PLCL1: variants seen among roughly 807,000 people sequenced by gnomAD.
The protein encoded by PLCL1 is inactive phospholipase C-like protein 1.
In PLCL1, 41 loss-of-function variants were observed where a neutral mutation model predicts 84.4. That is an observed-to-expected ratio of 0.49 (90% CI 0.38 to 0.63). PLCL1 has a LOEUF of 0.63. Among genes scored for constraint, PLCL1 ranks in the 30% least tolerant of loss-of-function variants. PLCL1 has a pLI of 0.00. For missense variants in PLCL1, 1,206 were observed against 1,367.8 expected (o/e 0.88, Z 1.87); for synonymous variants, 490 against 488.3 (o/e 1.00, Z -0.05).
chr2:197,805,089 C>A lies in PLCL1; in HGVS notation c.-11C>A. 7.2e-7 allele frequency: 1 copy of A among 1,382,468 alleles called. No individual in the cohort carries two copies. The highest frequency in any genetic ancestry group is 9.3e-7 in the Non-Finnish European group (1 of 1,073,542). 85.6% of individuals were successfully genotyped at this position (1,382,468 alleles called of 1,614,324 possible). A position where few individuals can be genotyped will look rare whatever the true frequency, so the allele number is the denominator to read the frequency against. On this transcript the variant is annotated 5_prime_UTR_variant, in exon 1 of 6. Coordinates refer to ENST00000428675, the MANE Select transcript of PLCL1 (RefSeq NM_006226.4). This position sits in a 1 kb window ranked among gnomAD's most constrained non-coding sequence, Gnocchi z 4.0. ...CCGCTTTCCCCCGGGGAGCCCTAAA[C>A]GCTCCAGGCCATGGCCGAGGGCGCG...
chr2:198,109,553 T>C (rs1385367560), intron 5 of PLCL1, among the ~76,000 whole-genome samples: 1 of 151,904 alleles, frequency 6.6e-6, no homozygotes, highest in Non-Finnish European at 1.5e-5. Context: ...TCTAGTACAT[T>C]GTTAGTAATT....
chr2:198,120,925 A>T (rs138107853), intron 5 of PLCL1, among the ~76,000 whole-genome samples: 2,879 of 152,162 alleles, frequency 0.019, 91 homozygotes, highest in African/African-American at 0.064. Context: ...ACTAATTTAC[A>T]TTCCTGCCAA....
At chr2:198,054,506 G>A (rs1043082106) in intron 1 of PLCL1, among the ~76,000 whole-genome samples, 9 of 152,218 alleles carry the variant, frequency 5.9e-5, no homozygotes, top group African/African-American at 2.2e-4. Context: ...GGCTTGCTAA[G>A]CCTGGAACAC....
At chr2:197,937,251 T>G (rs1465960903) in intron 1 of PLCL1, among the ~76,000 whole-genome samples, 1 of 152,220 alleles carries the variant, frequency 6.6e-6, no homozygotes, top group Non-Finnish European at 1.5e-5. Context: ...TTGTTTTTGC[T>G]ATTTGGGGTC....
At chr2:198,134,237 G>C (rs1694196869) in intron 5 of PLCL1, among the ~76,000 whole-genome samples, 1 of 152,044 alleles carries the variant, frequency 6.6e-6, no homozygotes, top group South Asian at 2.1e-4. Context: ...AGAGAAAATA[G>C]GTCTTGACTT....
chr2:197,869,959 C>G (rs1382710128), intron 1 of PLCL1, among the ~76,000 whole-genome samples: 1 of 151,554 alleles, frequency 6.6e-6, no homozygotes, highest in Admixed American at 6.6e-5. Flanking sequence ...TTTTTTTTTC[C>G]ATAAGTGTTA....
intron 1 of PLCL1, among the ~76,000 whole-genome samples, chr2:197,883,371 C>T (rs182889160): frequency 3.2e-4 from 48 of 152,294 alleles, no homozygotes; most frequent in African/African-American, 1.0e-3. Flanking sequence ...AAGTTATAGA[C>T]ACACGAAGTT....
At chr2:197,859,566 A>C (rs1215626390) in intron 1 of PLCL1, among the ~76,000 whole-genome samples, 3 of 152,196 alleles carry the variant, frequency 2.0e-5, no homozygotes, top group African/African-American at 7.2e-5. Context: ...TATGGACCAC[A>C]CATACAACAA....
At chr2:197,908,198 G>C (rs968418589) in intron 1 of PLCL1, among the ~76,000 whole-genome samples, 3 of 152,206 alleles carry the variant, frequency 2.0e-5, no homozygotes, top group African/African-American at 7.2e-5. Context: ...TTGAACGAGA[G>C]AATTTGAGCA....
intron 1 of PLCL1, among the ~76,000 whole-genome samples, chr2:197,848,090 A>T (rs186095293): frequency 1.1e-4 from 17 of 152,362 alleles, no homozygotes; most frequent in Admixed American, 3.9e-4. Context: ...AATTCTGATA[A>T]AGCACATATA....
intron 4 of PLCL1, among the ~76,000 whole-genome samples, chr2:198,102,673 A>T (rs529233141): frequency 3.5e-4 from 53 of 152,198 alleles, no homozygotes; most frequent in African/African-American, 1.1e-3. Flanking sequence ...TGGCAAGCTG[A>T]ATATGTTTGA....
At chr2:197,885,696 T>C (rs1354701066) in intron 1 of PLCL1, among the ~76,000 whole-genome samples, 2 of 152,228 alleles carry the variant, frequency 1.3e-5, no homozygotes, top group African/African-American at 4.8e-5. Flanking sequence ...TCTCTGACCA[T>C]CTTTCTAACT....
chr2:197,834,102 G>T (rs558133459), intron 1 of PLCL1, among the ~76,000 whole-genome samples: 1 of 152,294 alleles, frequency 6.6e-6, no homozygotes, highest in South Asian at 2.1e-4. Context: ...TGGGAAAACT[G>T]GCTCGCCATA....
intron 1 of PLCL1, among the ~76,000 whole-genome samples, chr2:198,060,092 C>T (rs545174641): frequency 1.2e-4 from 19 of 152,256 alleles, no homozygotes; most frequent in Middle Eastern, 3.4e-3. Flanking sequence ...CTACTGAATT[C>T]GAGTCCTTTG....
chr2:197,965,645 T>C (rs925812455), intron 1 of PLCL1, among the ~76,000 whole-genome samples: 2 of 152,210 alleles, frequency 1.3e-5, no homozygotes, highest in Admixed American at 6.5e-5. Context: ...GATTGCTTAT[T>C]TGAAGTTTTA....
chr2:198,114,655 G>A (rs1012220107), intron 5 of PLCL1, among the ~76,000 whole-genome samples: 1 of 151,700 alleles, frequency 6.6e-6, no homozygotes, highest in Non-Finnish European at 1.5e-5. Flanking sequence ...TTTCATTCTG[G>A]TTCCTTACAG....
intron 1 of PLCL1, among the ~76,000 whole-genome samples, chr2:197,926,457 T>G (rs940154227): frequency 1.3e-5 from 2 of 152,334 alleles, no homozygotes; most frequent in East Asian, 3.9e-4. Context: ...ATGTCAGCCA[T>G]TCATGGCCAT....
intron 1 of PLCL1, among the ~76,000 whole-genome samples, chr2:197,923,145 T>A (rs1408175943): frequency 2.4e-5 from 3 of 123,382 alleles, no homozygotes; most frequent in Admixed American, 8.0e-5. Flanking sequence ...CACTTCCCAG[T>A]AGGGGCGGCC....
intron 3 of PLCL1, among the ~76,000 whole-genome samples, chr2:198,090,457 C>G (rs781470825): frequency 6.6e-6 from 1 of 151,716 alleles, no homozygotes; most frequent in African/African-American, 2.4e-5. Flanking sequence ...ATAAAATAAA[C>G]CTTAAGGAAG....
Sources: allele counts gnomAD v4.1 joint callset (sites outside exome capture counted in the v4.1 genomes callset), GRCh38; gene constraint gnomAD v4.1.1; non-coding constraint Gnocchi (gnomAD v3.1); transcripts MANE v1.5; gene names NCBI Gene and HGNC (gene_info 2026-07-23, HGNC 2026-07-21).